Variants in ABTB2 observed in about 807,000 individuals in gnomAD.
The protein encoded by ABTB2 is ankyrin repeat and BTB domain containing 2.
Under a neutral mutation model 104.1 loss-of-function variants are expected in ABTB2, and 56 were observed. The observed-to-expected ratio is 0.54, with a 90% CI of 0.43 to 0.67. The LOEUF is 0.67. ABTB2 is among the 30% of genes least tolerant of loss of function. ABTB2 has a pLI of 0.00. For missense variants in ABTB2, 1,279 were observed against 1,407.7 expected (o/e 0.91, Z 1.46); for synonymous variants, 606 against 608.2 (o/e 1.00, Z 0.05).
rs111668961 is a variant in ABTB2, at chr11:34,309,801, A to T, written c.883+46900T>A. 2.9e-3 allele frequency among the ~76,000 whole-genome samples: 436 copies of T among 152,304 alleles called. 4 individuals are homozygous for T. The highest frequency in any genetic ancestry group is 0.01 in the African/African-American group (416 of 41,556). On this transcript the variant is annotated intron_variant, in intron 1 of 16. Coordinates refer to ENST00000435224, the MANE Select transcript of ABTB2 (RefSeq NM_145804.3). ...AGAGGTGATCAGAGTCAAAAAAAAA[A>T]AGATGGGGAAAAACAGTATTGTCAA...
intron 1 of ABTB2, among the ~76,000 whole-genome samples, chr11:34,347,999 T>G (rs1855354347): frequency 6.6e-6 from 1 of 152,252 alleles, no homozygotes; most frequent in Non-Finnish European, 1.5e-5. Context: ...TTGCCAGTCT[T>G]GACCTTCATT....
At chr11:34,184,041 C>G (rs1030714313) in intron 3 of ABTB2, among the ~76,000 whole-genome samples, 6 of 151,304 alleles carry the variant, frequency 4.0e-5, no homozygotes, top group African/African-American at 9.8e-5. Context: ...TCTCAGCCAC[C>G]AGGCCTGGCT....
chr11:34,245,512 C>G (rs1323123596), intron 1 of ABTB2, among the ~76,000 whole-genome samples: 2 of 152,202 alleles, frequency 1.3e-5, no homozygotes, highest in Admixed American at 6.5e-5. Flanking sequence ...TGTGGAGACA[C>G]CTGCGGCACT....
chr11:34,246,832 CTTTTTTTCTTTTTTCT>C (rs1853989322), intron 1 of ABTB2, among the ~76,000 whole-genome samples: 1 of 137,784 alleles, frequency 7.3e-6, no homozygotes. Flanking sequence ...CATTTCTTTT[CTTTTTTTCTTTTTTCT>C]TTTTTTTTTT....
chr11:34,194,817 G>C (rs1035793741), intron 3 of ABTB2, among the ~76,000 whole-genome samples: 1 of 151,038 alleles, frequency 6.6e-6, no homozygotes, highest in South Asian at 2.1e-4. Flanking sequence ...AATTCCCCAT[G>C]TGTCTGATAT....
At chr11:34,196,238 C>T (rs151298787) in intron 3 of ABTB2, among the ~76,000 whole-genome samples, 1 of 152,126 alleles carries the variant, frequency 6.6e-6, no homozygotes, top group African/African-American at 2.4e-5. Context: ...AAAAGGCAGC[C>T]CTCAGAGAAA....
chr11:34,175,004 G>A (rs116713471), intron 3 of ABTB2, among the ~76,000 whole-genome samples: 2,317 of 152,356 alleles, frequency 0.015, 58 homozygotes, highest in African/African-American at 0.053. Context: ...CTCTTGGAGC[G>A]TCCCGCCTGT....
chr11:34,167,382 CT>C (rs1852815346), intron 6 of ABTB2, 22 bp from the exon 7 acceptor site: 5 of 1,601,872 alleles, frequency 3.1e-6, no homozygotes, highest in East Asian at 2.2e-5. Context: ...CACAAATCAT[CT>C]GTGTTTTCTG....
chr11:34,247,540 C>T (rs1400937511), intron 1 of ABTB2, among the ~76,000 whole-genome samples: 6 of 152,286 alleles, frequency 3.9e-5, no homozygotes, highest in South Asian at 4.1e-4. Flanking sequence ...TAAGCTATGA[C>T]GTTCAGTAGG....
rs528232832 is a variant in ABTB2 at position 34,234,521 on chromosome 11, G to T, written c.884-29831C>A. Among the ~76,000 whole-genome samples, 642 of 152,312 alleles carry T rather than the reference G, an allele frequency of 4.2e-3. 9 individuals carry two copies. Among genetic ancestry groups the T allele is most frequent in the African/African-American group, 0.015 (621 of 41,582 alleles). On this transcript the variant is annotated intron_variant, in intron 1 of 16. Coordinates refer to ENST00000435224, the MANE Select transcript of ABTB2 (RefSeq NM_145804.3). The stretch of plus-strand genomic sequence containing the variant: ...CTGGGCAAGGGAGGCACCAGGGCTG[G>T]TTCCACTGCTCAGAGGAGAAATGCA...
intron 1 of ABTB2, among the ~76,000 whole-genome samples, chr11:34,261,712 T>C (rs1348772206): frequency 6.6e-6 from 1 of 152,214 alleles, no homozygotes; most frequent in Admixed American, 6.5e-5. Context: ...GGCATTATAG[T>C]AAATTTATAA....
At chr11:34,181,501 C>T (rs1374501480) in intron 3 of ABTB2, among the ~76,000 whole-genome samples, 1 of 152,164 alleles carries the variant, frequency 6.6e-6, no homozygotes, top group African/African-American at 2.4e-5. Context: ...TCTCTGTTCC[C>T]ATCCTGGCAG....
intron 1 of ABTB2, among the ~76,000 whole-genome samples, chr11:34,279,038 G>C (rs1407125537): frequency 6.6e-6 from 1 of 152,324 alleles, no homozygotes; most frequent in Non-Finnish European, 1.5e-5. Flanking sequence ...GGTATAATGT[G>C]TCTGCACAGG....
At chr11:34,193,727 T>C (rs1293982331) in intron 3 of ABTB2, among the ~76,000 whole-genome samples, 3 of 152,192 alleles carry the variant, frequency 2.0e-5, no homozygotes, top group African/African-American at 7.2e-5. Flanking sequence ...ATTTTACAGG[T>C]GAGGAGCCTA....
intron 1 of ABTB2, among the ~76,000 whole-genome samples, chr11:34,322,574 C>CAAAT (rs904177047): frequency 2.4e-4 from 36 of 151,110 alleles, no homozygotes; most frequent in South Asian, 1.3e-3. Flanking sequence ...GACTCCATCT[C>CAAAT]AAATAAATAA....
At chr11:34,198,387 C>T (rs1853290089) in intron 2 of ABTB2, among the ~76,000 whole-genome samples, 1 of 151,686 alleles carries the variant, frequency 6.6e-6, no homozygotes, top group Admixed American at 6.6e-5. Context: ...ATCGTGCCAC[C>T]ACACTCCAGT....
At position 34,190,132 on chromosome 11, in the gene ABTB2, C is replaced by T. The variant is rs532033854; in HGVS notation, c.1244+7193G>A. Among the ~76,000 whole-genome samples, 6 of 152,266 alleles carry T rather than the reference C, an allele frequency of 3.9e-5. No homozygotes were observed. The East Asian group carries it at 5.8e-4, about 15-fold the overall frequency. On this transcript the variant is annotated intron_variant, in intron 3 of 16. Coordinates refer to ENST00000435224, the MANE Select transcript of ABTB2 (RefSeq NM_145804.3). ...GCATGTGCCTATAATCCCAGCTACT[C>T]GGGAGGCTGAGGCAGGAGAATCACT...
At chr11:34,174,121 T>A (rs553131225) in intron 3 of ABTB2, among the ~76,000 whole-genome samples, 3 of 151,614 alleles carry the variant, frequency 2.0e-5, no homozygotes, top group Admixed American at 2.0e-4. Flanking sequence ...GATCACGAGG[T>A]CAGGAGATCG....
intron 1 of ABTB2, among the ~76,000 whole-genome samples, chr11:34,216,989 C>G (rs148373478): frequency 2.6e-5 from 4 of 152,312 alleles, no homozygotes; most frequent in Non-Finnish European, 5.9e-5. Context: ...ACCTGATAAC[C>G]TGGAAGTTAC....
Sources: allele counts gnomAD v4.1 joint callset (sites outside exome capture counted in the v4.1 genomes callset), GRCh38; gene constraint gnomAD v4.1.1; transcripts MANE v1.5; gene names NCBI Gene and HGNC (gene_info 2026-07-23, HGNC 2026-07-21).